Variants in PRORP observed in about 807,000 individuals in gnomAD.
The protein encoded by PRORP is protein only RNase P catalytic subunit.
Under a neutral mutation model 59.4 loss-of-function variants are expected in PRORP, and 51 were observed. That is an observed-to-expected ratio of 0.86 (90% confidence interval 0.69 to 1.08). The LOEUF is 1.08. Ranked by LOEUF, PRORP falls within the 50% of genes least tolerant of loss-of-function variation. PRORP has a pLI of 0.00. For missense variants in PRORP, 646 were observed against 690.3 expected, an observed-to-expected ratio of 0.94 and a Z score of 0.72; for synonymous variants, 231 against 245.6, an observed-to-expected ratio of 0.94 and a Z score of 0.55.
chr14:35,171,518 G>A (rs2048311827), intron 4 of PRORP, among the ~76,000 whole-genome samples: 2 of 152,042 alleles, frequency 1.3e-5, no homozygotes, highest in South Asian at 2.1e-4. Flanking sequence ...ACTGTCATTT[G>A]TATCATTATT....
intron 5 of PRORP, among the ~76,000 whole-genome samples, chr14:35,253,412 G>A (rs571926875): frequency 9.3e-6 from 1 of 107,796 alleles, no homozygotes; most frequent in African/African-American, 4.8e-5. Context: ...AGGAAAGAAA[G>A]AAAAAAAGAA....
chr14:35,157,140 A>G (rs899417810), intron 4 of PRORP, among the ~76,000 whole-genome samples: 3 of 151,860 alleles, frequency 2.0e-5, no homozygotes, highest in Non-Finnish European at 2.9e-5. Context: ...TATTTTTAGT[A>G]GAGATGGGGT....
At chr14:35,264,791 A>G (rs982705445) in intron 5 of PRORP, among the ~76,000 whole-genome samples, 3 of 152,176 alleles carry the variant, frequency 2.0e-5, no homozygotes, top group Non-Finnish European at 4.4e-5. Context: ...CAGCCTGGCC[A>G]TTATGGTGAA....
rs1330665269 is a variant in PRORP, at chr14:35,275,646, TC to T, written c.*2083del. On this transcript the variant is annotated 3_prime_UTR_variant, in exon 8 of 8. Coordinates refer to ENST00000534898, the MANE Select transcript of PRORP (RefSeq NM_014672.4). ...GCCCATCTAAAAGGCTAATGCAAAT[TC>T]CCAAAAAAGGAGCACATAGAGATAG... 1 of 152,022 alleles carries T rather than the reference TC, an allele frequency of 6.6e-6. No individual in the cohort carries two copies. Among genetic ancestry groups the T allele is most frequent in the Non-Finnish European group, 1.5e-5 (1 of 68,000 alleles). 9.4% of individuals were successfully genotyped at this position (152,022 alleles called of 1,614,324 possible).
At chr14:35,129,548 C>T (rs149323245) in intron 4 of PRORP, among the ~76,000 whole-genome samples, 3 of 150,516 alleles carry the variant, frequency 2.0e-5, no homozygotes, top group African/African-American at 7.3e-5. Context: ...GATCTTGGCT[C>T]GCTGCATCCT....
At chr14:35,172,489 T>TCCC in intron 4 of PRORP, among the ~76,000 whole-genome samples, 1 of 107,340 alleles carries the variant, frequency 9.3e-6, no homozygotes, top group Non-Finnish European at 2.0e-5. Flanking sequence ...TTTCTTTCCC[T>TCCC]TCCTCTCTCC....
chr14:35,183,578 C>G (rs1353014357), intron 5 of PRORP, among the ~76,000 whole-genome samples: 1 of 152,024 alleles, frequency 6.6e-6, no homozygotes, highest in Non-Finnish European at 1.5e-5. Flanking sequence ...CATAGGATGT[C>G]TTTGGAATAG....
intron 5 of PRORP, chr14:35,218,987 C>G (rs1199340888): frequency 6.6e-6 from 1 of 152,170 alleles, no homozygotes; most frequent in Non-Finnish European, 1.5e-5. Flanking sequence ...ACAGGCAGCC[C>G]TCTAATCTAT....
At chr14:35,236,515 G>T (rs1325158275) in intron 5 of PRORP, among the ~76,000 whole-genome samples, 1 of 152,118 alleles carries the variant, frequency 6.6e-6, no homozygotes, top group African/African-American at 2.4e-5. Flanking sequence ...TCTCCCTCAG[G>T]ACAGCAGTAA....
At chr14:35,134,931 G>A (rs2047335765) in intron 4 of PRORP, among the ~76,000 whole-genome samples, 1 of 152,208 alleles carries the variant, frequency 6.6e-6, no homozygotes, top group Admixed American at 6.5e-5. Context: ...GCCCATGGTG[G>A]TGAGGCTTGT....
chr14:35,152,077 C>T (rs566722757), intron 4 of PRORP, among the ~76,000 whole-genome samples: 3 of 152,072 alleles, frequency 2.0e-5, no homozygotes, highest in Non-Finnish European at 2.9e-5. Context: ...GAGGACCCTG[C>T]GGCCCTCCGC....
intron 6 of PRORP, among the ~76,000 whole-genome samples, chr14:35,267,261 C>T (rs573331128): frequency 2.0e-5 from 3 of 152,256 alleles, no homozygotes; most frequent in East Asian, 1.9e-4. Context: ...TCCCTGCCCT[C>T]TTAGAATTTA....
intron 4 of PRORP, among the ~76,000 whole-genome samples, chr14:35,166,360 T>A (rs10148772): frequency 2.6e-5 from 4 of 152,118 alleles, no homozygotes; most frequent in African/African-American, 9.7e-5. Flanking sequence ...TCTTCATAGA[T>A]GCAACCGAAT....
intron 4 of PRORP, among the ~76,000 whole-genome samples, chr14:35,177,137 A>G (rs1161125258): frequency 1.3e-5 from 2 of 152,106 alleles, no homozygotes; most frequent in Non-Finnish European, 2.9e-5. Context: ...TGCTGGATTC[A>G]GTTTGCCAGT....
chr14:35,153,029 C>T (rs1346254852), intron 4 of PRORP, among the ~76,000 whole-genome samples: 3 of 152,212 alleles, frequency 2.0e-5, no homozygotes, highest in Non-Finnish European at 2.9e-5. Context: ...CTTTGGGAGG[C>T]CAAGGCAGGC....
chr14:35,200,255 C>T lies in PRORP; in HGVS notation c.1275+19478C>T, dbSNP rs1249523211. On this transcript the variant is annotated intron_variant, in intron 5 of 7. Transcript: ENST00000534898. ...TTGCCCAGGCTAGAGTGCTGTGGCACGATCTTGGCTCACTGCAACCTCCAC... is the reference window on the plus strand; with the variant it reads ...TTGCCCAGGCTAGAGTGCTGTGGCATGATCTTGGCTCACTGCAACCTCCAC... 6.6e-5 allele frequency among the ~76,000 whole-genome samples: 10 copies of T among 152,092 alleles called. No homozygotes were observed. The East Asian group carries it at 9.7e-4, about 15-fold the overall frequency.
intron 5 of PRORP, among the ~76,000 whole-genome samples, chr14:35,255,577 C>G (rs1594346052): frequency 6.6e-6 from 1 of 152,152 alleles, no homozygotes; most frequent in Middle Eastern, 3.4e-3. Flanking sequence ...TAGGGTTTTG[C>G]TGTGTTGCCC....
rs957612769 is a variant in PRORP, at chr14:35,186,785, A to G, written c.1275+6008A>G. ...TTTATTATTATTATTATTATTTTTCATAGAAACAGGGTCTCACTGTGTTGC... is the reference window on the plus strand; with the variant it reads ...TTTATTATTATTATTATTATTTTTCGTAGAAACAGGGTCTCACTGTGTTGC... On this transcript the variant is annotated intron_variant, in intron 5 of 7. Coordinates refer to ENST00000534898, the MANE Select transcript of PRORP (RefSeq NM_014672.4). 4.0e-5 allele frequency among the ~76,000 whole-genome samples: 6 copies of G among 151,570 alleles called. No individual in the cohort carries two copies. The East Asian group carries it at 1.2e-3, about 29-fold the overall frequency.
intron 5 of PRORP, among the ~76,000 whole-genome samples, chr14:35,259,065 G>C (rs2050831639): frequency 6.6e-6 from 1 of 152,200 alleles, no homozygotes; most frequent in Non-Finnish European, 1.5e-5. Context: ...GTTTCCAACT[G>C]TAGTTGTAGA....
Sources: gnomAD v4.1 joint callset for allele counts (sites outside exome capture counted in the v4.1 genomes callset) on GRCh38, gnomAD v4.1.1 for gene constraint, MANE v1.5 for transcripts, NCBI Gene and HGNC (gene_info 2026-07-23, HGNC 2026-07-21) for gene names.